Variants in PDS5B observed in about 807,000 individuals in gnomAD.
PDS5B encodes the protein sister chromatid cohesion protein PDS5 homolog B.
PDS5B carries 51 observed loss-of-function variants against 184.1 expected under a neutral mutation model. That is an observed-to-expected ratio of 0.28 (90% CI 0.22 to 0.35). PDS5B has a LOEUF of 0.35. PDS5B is among the 10% of genes least tolerant of loss of function. The probability of loss-of-function intolerance (pLI) is 1.00; values close to 1 mark genes in which losing one functional copy is unlikely to be tolerated. For missense variants in PDS5B, 1,180 were observed against 1,723.3 expected, an observed-to-expected ratio of 0.68 and a Z score of 5.58; for synonymous variants, 566 against 569.2, an observed-to-expected ratio of 0.99 and a Z score of 0.08.
chr13:32,759,318 G>C (rs919072120), intron 28 of PDS5B, among the ~76,000 whole-genome samples: 12 of 152,164 alleles, frequency 7.9e-5, no homozygotes, highest in African/African-American at 2.9e-4. Context: ...TGTCACGTTG[G>C]TGTGAGCAGA....
chr13:32,652,483 A>G (rs1950390275), intron 3 of PDS5B: 1 of 152,876 alleles, frequency 6.5e-6, no homozygotes, highest in Admixed American at 6.5e-5. Context: ...CAGGCCTGTA[A>G]TCCCAGCACT....
intron 14 of PDS5B, among the ~76,000 whole-genome samples, chr13:32,695,750 T>C (rs935294288): frequency 3.9e-5 from 6 of 152,058 alleles, no homozygotes; most frequent in Non-Finnish European, 7.4e-5. Flanking sequence ...TAGTTGGAGC[T>C]TCTTCATTTT....
intron 24 of PDS5B, 136 bp downstream of exon 24, chr13:32,746,236 A>G (rs1953737769): frequency 2.8e-6 from 2 of 715,380 alleles, no homozygotes; most frequent in African/African-American, 1.8e-5. Context: ...TGCATGAGAA[A>G]CATTTCAGAG....
intron 3 of PDS5B, chr13:32,652,748 C>T (rs1449241076): frequency 1.6e-5 from 2 of 127,552 alleles, no homozygotes; most frequent in Non-Finnish European, 3.4e-5. Flanking sequence ...TGAGTGAGAC[C>T]ATCTCTATTA....
At chr13:32,748,361 A>T (rs1321553561) in intron 24 of PDS5B, among the ~76,000 whole-genome samples, 1 of 151,912 alleles carries the variant, frequency 6.6e-6, no homozygotes, top group Non-Finnish European at 1.5e-5. Context: ...GCTTCATTAT[A>T]TTTGACACAA....
At chr13:32,635,924 A>C (rs2058547793) in intron 1 of PDS5B, among the ~76,000 whole-genome samples, 1 of 151,410 alleles carries the variant, frequency 6.6e-6, no homozygotes, top group African/African-American at 2.4e-5. Flanking sequence ...GCCCGCCACC[A>C]CGCCTGGCTA....
rs757109516 is a variant in PDS5B, at chr13:32,648,790, T to G, written c.18T>G (p.Thr6=). ...TTTCTGTCATGGCTCATTCAAAGAC[T>G]AGGACCAATGATGGAAAAATTACAT... The part of the protein sequence containing the change: MAHSK[T]RTNDGKITYP... The change falls in exon 2 of 35, where the codon ACT becomes ACG. Residue 6 remains threonine (T), a synonymous_variant. Coordinates refer to ENST00000315596, the MANE Select transcript of PDS5B (RefSeq NM_015032.4). The G allele has an allele frequency of 2.6e-6, 4 of 1,522,850 alleles. No individual in the cohort carries two copies. In the South Asian group the frequency reaches 4.5e-5, roughly 17 times the overall value. The allele number at this position is 1,522,850 out of a possible 1,614,324, so 94.3% of individuals were successfully genotyped here.
chr13:32,657,053 G>T (rs934043568), intron 3 of PDS5B, among the ~76,000 whole-genome samples: 2 of 152,216 alleles, frequency 1.3e-5, no homozygotes, highest in Admixed American at 6.5e-5. Flanking sequence ...TGTATATTCT[G>T]TTGTTTTGAA....
chr13:32,635,881 G>T (rs1376516386), intron 1 of PDS5B, among the ~76,000 whole-genome samples: 1 of 149,622 alleles, frequency 6.7e-6, no homozygotes, highest in African/African-American at 2.5e-5. Flanking sequence ...CCATTCTCCT[G>T]CCTCAGCCTC....
rs555298874 is a variant in PDS5B, at chr13:32,777,967, A to G, written c.*2915A>G. 1 of 152,520 alleles carries G rather than the reference A, an allele frequency of 6.6e-6. No individual in the cohort carries two copies. Among genetic ancestry groups the G allele is most frequent in the East Asian group, 1.9e-4 (1 of 5,192 alleles). The allele number at this position is 152,520 out of a possible 1,614,324, so 9.4% of individuals were successfully genotyped here. ...CAATTGCTATTTAAATAGATAACCAATTTTCAGACACATTTTTGGATTTCT... is the reference window on the plus strand; with the variant it reads ...CAATTGCTATTTAAATAGATAACCAGTTTTCAGACACATTTTTGGATTTCT... On this transcript the variant is annotated 3_prime_UTR_variant, in exon 35 of 35. Transcript: ENST00000315596.
At chr13:32,765,232 G>A (rs1954546454) in intron 31 of PDS5B, among the ~76,000 whole-genome samples, 1 of 152,134 alleles carries the variant, frequency 6.6e-6, no homozygotes, top group Non-Finnish European at 1.5e-5. Flanking sequence ...TTCAGCTTCA[G>A]ATCATTTCCT....
chr13:32,588,227 G>T (rs926438635), intron 1 of PDS5B, among the ~76,000 whole-genome samples: 1 of 152,220 alleles, frequency 6.6e-6, no homozygotes, highest in Non-Finnish European at 1.5e-5. Context: ...GTATCTCATG[G>T]TGATAGCAGA....
chr13:32,661,547 AC>A (rs2140711758), intron 6 of PDS5B, among the ~76,000 whole-genome samples: 1 of 152,210 alleles, frequency 6.6e-6, no homozygotes, highest in Admixed American at 6.6e-5. Flanking sequence ...GTAAGGTCTG[AC>A]ATATTTAATA....
Position 32,735,271 on chromosome 13 carries a change from G to C in PDS5B, c.2347G>C (p.Ala783Pro), listed in dbSNP as rs1483847950. The C allele has an allele frequency of 6.2e-7, 1 of 1,611,938 alleles. No homozygotes were observed. ...IALLAPDQFAAPLKSLVATFI... is the reference protein window; with the variant it reads ...IALLAPDQFAPPLKSLVATFI... Reference sequence around the variant, plus strand: ...TCTCCTTGCACCTGATCAATTTGCTGCTCCTTTGAAATCTTTGGTAGCTAC... The same window carrying C: ...TCTCCTTGCACCTGATCAATTTGCTCCTCCTTTGAAATCTTTGGTAGCTAC... Residue 783 changes from alanine to proline, a missense_variant, in exon 21 of 35, where the codon GCT (alanine) becomes CCT (proline). Ala to Pro is a conservative substitution (Grantham distance 27). Coordinates refer to ENST00000315596, the MANE Select transcript of PDS5B (RefSeq NM_015032.4).
intron 5 of PDS5B, 123 bp from the exon 6 acceptor site, chr13:32,659,031 C>G (rs553924118): frequency 5.8e-6 from 3 of 521,080 alleles, no homozygotes; most frequent in Non-Finnish European, 9.2e-6. Flanking sequence ...AATGAATATA[C>G]ATAGAATTTT....
chr13:32,653,740 T>C (rs1950427828), intron 3 of PDS5B, among the ~76,000 whole-genome samples: 1 of 152,254 alleles, frequency 6.6e-6, no homozygotes, highest in African/African-American at 2.4e-5. Flanking sequence ...TAGCTTGATT[T>C]CTAAATGTGA....
At chr13:32,636,207 A>C (rs1347748663) in intron 1 of PDS5B, among the ~76,000 whole-genome samples, 1 of 151,656 alleles carries the variant, frequency 6.6e-6, no homozygotes, top group African/African-American at 2.4e-5. Context: ...TCTGAACTTC[A>C]TTTTCTTCAT....
At chr13:32,763,625 G>A (rs966087709) in intron 30 of PDS5B, 3 of 151,828 alleles carry the variant, frequency 2.0e-5, no homozygotes. Flanking sequence ...TAGGGAAAGG[G>A]ACGATTTAAG....
chr13:32,714,748 T>C (rs1228301794), intron 19 of PDS5B, among the ~76,000 whole-genome samples: 2 of 152,230 alleles, frequency 1.3e-5, no homozygotes, highest in Non-Finnish European at 2.9e-5. Flanking sequence ...CGATTGTTGT[T>C]ATCCTGCTCT....
Sources: gnomAD v4.1 joint callset for allele counts (sites outside exome capture counted in the v4.1 genomes callset) on GRCh38, gnomAD v4.1.1 for gene constraint, MANE v1.5 for transcripts, NCBI Gene and HGNC (gene_info 2026-07-23, HGNC 2026-07-21) for gene names.